Variants in ARPC2 observed in about 807,000 individuals in gnomAD.
The protein encoded by ARPC2 is actin-related protein 2/3 complex subunit 2.
In ARPC2, 4 loss-of-function variants were observed where a neutral mutation model predicts 38.6. The observed-to-expected ratio is 0.10, with a 90% CI of 0.05 to 0.24. The LOEUF (loss-of-function observed/expected upper bound fraction) is 0.24, where lower values mean the gene tolerates loss of function less well. Ranked by LOEUF, ARPC2 falls within the 10% of genes least tolerant of loss-of-function variation. The pLI is 1.00. For missense variants in ARPC2, 229 were observed against 387.3 expected (o/e 0.59, Z 3.43); for synonymous variants, 125 against 140.8 (o/e 0.89, Z 0.79).
chr2:218,246,965 CAAAA>C (rs10608657), intron 8 of ARPC2, among the ~76,000 whole-genome samples: 3,830 of 150,594 alleles, frequency 0.025, 137 homozygotes, highest in African/African-American at 0.086. Flanking sequence ...GAGACTGTCT[CAAAA>C]AAAAAGATAA....
At chr2:218,218,169 C>G (rs1689299944) in intron 2 of ARPC2, among the ~76,000 whole-genome samples, 2 of 152,136 alleles carry the variant, frequency 1.3e-5, no homozygotes, top group South Asian at 4.1e-4. Flanking sequence ...TAAAGCAAAG[C>G]CAATTGTCCC....
chr2:218,242,589 C>T (rs1035481882), intron 7 of ARPC2, among the ~76,000 whole-genome samples: 6 of 152,188 alleles, frequency 3.9e-5, no homozygotes, highest in African/African-American at 1.4e-4. Flanking sequence ...TCTTCTCCAT[C>T]AGGGTAGTGG....
At chr2:218,241,108 G>A (rs113079965) in intron 7 of ARPC2, among the ~76,000 whole-genome samples, 4 of 152,216 alleles carry the variant, frequency 2.6e-5, no homozygotes, top group African/African-American at 7.2e-5. Context: ...TTTTGAAAAC[G>A]TTACTACCTT....
At chr2:218,230,528 G>A (rs1212964230) in intron 4 of ARPC2, among the ~76,000 whole-genome samples, 3 of 151,808 alleles carry the variant, frequency 2.0e-5, no homozygotes, top group East Asian at 1.9e-4. Context: ...CAAACTCCTG[G>A]GCTCAAGCAG....
At chr2:218,239,524 A>T (rs1407728227) in intron 7 of ARPC2, 40 bp downstream of exon 7, 1 of 1,496,536 alleles carries the variant, frequency 6.7e-7, no homozygotes, top group South Asian at 1.1e-5. Context: ...ATGCATGGCG[A>T]CTTATACCTT....
intron 2 of ARPC2, among the ~76,000 whole-genome samples, chr2:218,224,385 C>G (rs955774206): frequency 6.6e-6 from 1 of 152,192 alleles, no homozygotes; most frequent in Non-Finnish European, 1.5e-5. Context: ...CTCCCTGACT[C>G]TTCAGCACAG....
intron 10 of ARPC2, among the ~76,000 whole-genome samples, chr2:218,251,091 C>T (rs1288388377): frequency 6.6e-6 from 1 of 152,152 alleles, no homozygotes; most frequent in East Asian, 1.9e-4. Context: ...CCACCTCGGC[C>T]TCCCATCTGC....
chr2:218,253,615 C>A (rs1012340518), intron 10 of ARPC2, among the ~76,000 whole-genome samples: 3 of 152,208 alleles, frequency 2.0e-5, no homozygotes, highest in African/African-American at 7.2e-5. Context: ...ACAAGTGATT[C>A]TTCTATCTAA....
chr2:218,248,445 A>G (rs1006442546), intron 8 of ARPC2, among the ~76,000 whole-genome samples: 5 of 152,178 alleles, frequency 3.3e-5, no homozygotes, highest in Non-Finnish European at 5.9e-5. Flanking sequence ...CTGTAGTGCA[A>G]AGGACTTTGT....
intron 2 of ARPC2, among the ~76,000 whole-genome samples, chr2:218,224,429 T>C (rs974825732): frequency 1.3e-5 from 2 of 152,324 alleles, no homozygotes; most frequent in Middle Eastern, 3.4e-3. Flanking sequence ...CTTCCATGCT[T>C]CCTCCCATTG....
chr2:218,219,280 C>A (rs906371320), intron 2 of ARPC2, among the ~76,000 whole-genome samples: 2 of 151,920 alleles, frequency 1.3e-5, no homozygotes, highest in Admixed American at 6.6e-5. Context: ...GAAAATTATT[C>A]TTAAAAAGAG....
chr2:218,244,133 C>T (rs1689976181), intron 7 of ARPC2, among the ~76,000 whole-genome samples: 1 of 152,210 alleles, frequency 6.6e-6, no homozygotes, highest in Non-Finnish European at 1.5e-5. Flanking sequence ...ATCTTGACTC[C>T]TTCCCTTCCT....
At chr2:218,238,468 A>G (rs1001488820) in intron 5 of ARPC2, among the ~76,000 whole-genome samples, 196 bp from the exon 6 acceptor site, 2 of 152,180 alleles carry the variant, frequency 1.3e-5, no homozygotes, top group African/African-American at 4.8e-5. Context: ...AGATAGATGG[A>G]AATAGACTAT....
chr2:218,244,280 C>G (rs935699148), intron 7 of ARPC2, among the ~76,000 whole-genome samples: 2 of 152,202 alleles, frequency 1.3e-5, no homozygotes, highest in African/African-American at 2.4e-5. Flanking sequence ...GGTGAGGTCC[C>G]AGGCTGGGCA....
intron 2 of ARPC2, among the ~76,000 whole-genome samples, chr2:218,218,097 C>T (rs1311038686): frequency 6.6e-6 from 1 of 152,192 alleles, no homozygotes; most frequent in Non-Finnish European, 1.5e-5. Flanking sequence ...AAAACGCGAT[C>T]TCTGGTTTCC....
intron 10 of ARPC2, among the ~76,000 whole-genome samples, chr2:218,253,551 C>T (rs916770452): frequency 6.6e-6 from 1 of 152,172 alleles, no homozygotes; most frequent in African/African-American, 2.4e-5. Context: ...ACTAAGAAGA[C>T]GGTTTGAGCC....
chr2:218,230,208 G>C (rs779782719), intron 4 of ARPC2, among the ~76,000 whole-genome samples: 1 of 151,570 alleles, frequency 6.6e-6, no homozygotes, highest in Non-Finnish European at 1.5e-5. Context: ...CTGACCTCAG[G>C]TGATCTGCCT....
chr2:218,237,116 T>G (rs952813799), intron 5 of ARPC2, among the ~76,000 whole-genome samples: 1 of 152,190 alleles, frequency 6.6e-6, no homozygotes, highest in African/African-American at 2.4e-5. Context: ...CCTGTCATGT[T>G]CCACACACTT....
chr2:218,230,795 G>A (rs1205680607), intron 4 of ARPC2, among the ~76,000 whole-genome samples: 2 of 152,088 alleles, frequency 1.3e-5, no homozygotes, highest in Non-Finnish European at 2.9e-5. Flanking sequence ...AGTGGGGAGA[G>A]TTGCTGGAGC....
Sources: allele counts gnomAD v4.1 joint callset (sites outside exome capture counted in the v4.1 genomes callset), GRCh38; gene constraint gnomAD v4.1.1; transcripts MANE v1.5; gene names NCBI Gene and HGNC (gene_info 2026-07-23, HGNC 2026-07-21).